Variants in TLCD3A observed in about 807,000 individuals in gnomAD.
TLCD3A encodes TLC domain containing 3A.
TLCD3A carries 17 observed loss-of-function variants against 29.9 expected under a neutral mutation model. The ratio of observed to expected loss-of-function variants is 0.57; its 90% CI spans 0.39 to 0.85. The LOEUF (loss-of-function observed/expected upper bound fraction) is 0.85. Among genes scored for constraint, TLCD3A ranks in the 40% least tolerant of loss-of-function variants. TLCD3A has a pLI of 0.00. For synonymous variants in TLCD3A, 143 were observed against 147.7 expected (o/e 0.97, Z 0.23); for missense variants, 332 against 350.8 (o/e 0.95, Z 0.43).
Position 737,862 on chromosome 17 carries a change from G to T in TLCD3A, c.223G>T (p.Glu75Ter). Residue 75 changes from glutamate (E) to a stop codon, truncating the protein, a stop_gained, in exon 3 of 5, where the codon GAA becomes TAA. Transcript: ENST00000308278. LOFTEE classifies it high-confidence loss of function. ...VITGRHWLAR[E>*]YVWFLIPYMI... ...TTCTTTCAGGCACTGGCTTGCCCGG[G>T]AATATGTGTGGTTTCTGATTCCATA... 6.2e-7 allele frequency: 1 copy of T among 1,614,094 alleles called. No homozygotes were observed. Among genetic ancestry groups the T allele is most frequent in the Middle Eastern group, 1.6e-4 (1 of 6,062 alleles).
chr17:736,592 T>C (rs1363203467), intron 2 of TLCD3A, among the ~76,000 whole-genome samples: 1 of 152,210 alleles, frequency 6.6e-6, no homozygotes, highest in Admixed American at 6.5e-5. Flanking sequence ...TCTCTCCTGG[T>C]ACCTAACCGC....
rs756022306 is a variant in TLCD3A, at chr17:737,902, C to T, written c.263C>T (p.Ser88Leu). The change falls in exon 3 of 5, where the codon TCG (serine) becomes TTG (leucine). Residue 88 changes from serine to leucine, a missense_variant. By Grantham distance (145) the Ser-to-Leu change is moderately radical. Coordinates refer to ENST00000308278, the MANE Select transcript of TLCD3A (RefSeq NM_024792.3). Reference protein sequence around the residue: ...WFLIPYMIYDSYAMYLCEWCR... With the variant: ...WFLIPYMIYDLYAMYLCEWCR... ...CTGATTCCATACATGATCTATGACT[C>T]GTACGCCATGTACCTCTGTGAATGG... 1.4e-4 allele frequency: 223 copies of T among 1,613,936 alleles called. 1 individual carries two copies. In the South Asian group the frequency reaches 1.8e-3, roughly 13 times the overall value.
intron 4 of TLCD3A, among the ~76,000 whole-genome samples, 166 bp from the exon 5 acceptor site, chr17:741,135 G>A (rs1033165537): frequency 3.3e-5 from 5 of 152,222 alleles, no homozygotes; most frequent in African/African-American, 1.2e-4. Flanking sequence ...TCTTCTCCAA[G>A]TGTTAGAAAA....
chr17:733,300 G>T, intron 2 of TLCD3A, 119 bp downstream of exon 2: 1 of 959,442 alleles, frequency 1.0e-6, no homozygotes, highest in Middle Eastern at 2.5e-4. Context: ...CACCACAATG[G>T]GCTCCTTCTT....
chr17:733,038 G>C, intron 1 of TLCD3A, 60 bp from the exon 2 acceptor site: 1 of 1,527,922 alleles, frequency 6.5e-7, no homozygotes, highest in Non-Finnish European at 8.9e-7. Context: ...GGCCGGGCCG[G>C]GCTCCCTGCG....
chr17:732,626 G>A lies in TLCD3A; in HGVS notation c.-22G>A, dbSNP rs1033778647. On this transcript the variant is annotated 5_prime_UTR_variant, in exon 1 of 5. Coordinates refer to ENST00000308278, the MANE Select transcript of TLCD3A (RefSeq NM_024792.3). Reference sequence around the variant, plus strand: ...GAACCCAGCCACGCGGCGCCAGCGAGGCGGCCGGACCCGCAGCCCCGATGC... The same window carrying A: ...GAACCCAGCCACGCGGCGCCAGCGAAGCGGCCGGACCCGCAGCCCCGATGC... The A allele has an allele frequency of 2.9e-4, 355 of 1,229,784 alleles. 2 individuals are homozygous for A. The African/African-American group carries it at 5.3e-3, about 18-fold the overall frequency. 76.2% of individuals were successfully genotyped at this position (1,229,784 alleles called of 1,614,324 possible).
At chr17:739,774 A>G (rs1488005754) in intron 3 of TLCD3A, among the ~76,000 whole-genome samples, 1 of 152,230 alleles carries the variant, frequency 6.6e-6, no homozygotes, top group Non-Finnish European at 1.5e-5. Context: ...ATATTTTACC[A>G]TGCTTACTGC....
chr17:737,718 TCA>T (rs2144115814), intron 2 of TLCD3A, 126 bp from the exon 3 acceptor site: 1 of 924,220 alleles, frequency 1.1e-6, no homozygotes, highest in Non-Finnish European at 1.7e-6. Context: ...TCCCTGTTTA[TCA>T]GTTTCAACAT....
intron 3 of TLCD3A, among the ~76,000 whole-genome samples, chr17:738,976 T>C (rs1398954517): frequency 6.6e-6 from 1 of 152,138 alleles, no homozygotes; most frequent in Non-Finnish European, 1.5e-5. Context: ...ACAAATATAA[T>C]ACAAAGCAAC....
intron 2 of TLCD3A, among the ~76,000 whole-genome samples, chr17:736,583 C>G (rs1974156722): frequency 6.6e-6 from 1 of 152,218 alleles, no homozygotes; most frequent in Non-Finnish European, 1.5e-5. Flanking sequence ...GACCTAGCCT[C>G]TCTCCTGGTA....
chr17:740,479 T>C (rs771161632), intron 3 of TLCD3A, 26 bp from the exon 4 acceptor site: 31 of 1,573,154 alleles, frequency 2.0e-5, no homozygotes, highest in Admixed American at 1.8e-4. Flanking sequence ...TCCACTTACT[T>C]CCCCTTTTCG....
chr17:734,884 T>C (rs1460479575), intron 2 of TLCD3A, among the ~76,000 whole-genome samples: 1 of 151,742 alleles, frequency 6.6e-6, no homozygotes, highest in Non-Finnish European at 1.5e-5. Flanking sequence ...GGTCTGGCTC[T>C]GTCACCCACG....
intron 2 of TLCD3A, 33 bp from the exon 3 acceptor site, chr17:737,813 G>C: frequency 6.3e-7 from 1 of 1,599,356 alleles, no homozygotes; most frequent in Non-Finnish European, 8.6e-7. Context: ...TATCCACAAT[G>C]ATTTCACGGG....
At chr17:740,972 A>T (rs371794323) in intron 4 of TLCD3A, among the ~76,000 whole-genome samples, 257 of 152,298 alleles carry the variant, frequency 1.7e-3, no homozygotes, top group African/African-American at 5.8e-3. Context: ...TGATAGTTTG[A>T]TACAGCTCAT....
intron 4 of TLCD3A, among the ~76,000 whole-genome samples, chr17:740,985 T>C (rs556273771): frequency 1.3e-5 from 2 of 152,364 alleles, no homozygotes; most frequent in South Asian, 4.1e-4. Flanking sequence ...CAGCTCATTC[T>C]ATTTTTTCCC....
intron 2 of TLCD3A, among the ~76,000 whole-genome samples, chr17:736,088 G>A (rs1040506312): frequency 6.6e-6 from 1 of 150,874 alleles, no homozygotes; most frequent in East Asian, 1.9e-4. Context: ...CATTATTTAC[G>A]CCGTGGTAAG....
chr17:741,348 G>A lies in TLCD3A; in HGVS notation c.552G>A (p.Thr184=), dbSNP rs746525629. Residue 184 remains threonine, a synonymous_variant, in exon 5 of 5, where the codon ACG becomes ACA. Transcript: ENST00000308278. ...TLLYKVNGIL[T]LATFLSCRIL... ...TGTACAAGGTGAATGGAATCCTCAC[G>A]CTGGCCACCTTCCTTTCCTGCCGGA... The A allele has an allele frequency of 5.0e-6, 8 of 1,614,040 alleles. No homozygotes were observed. The highest frequency in any genetic ancestry group is 2.7e-5 in the African/African-American group (2 of 74,920).
Position 741,700 on chromosome 17 carries a change from A to G in TLCD3A, c.*130A>G. 8.9e-7 allele frequency: 1 copy of G among 1,127,326 alleles called. No individual in the cohort carries two copies. The highest frequency in any genetic ancestry group is 1.6e-5 in the South Asian group (1 of 63,022). The allele number at this position is 1,127,326 out of a possible 1,614,324, so 69.8% of individuals were successfully genotyped here. A position where few individuals can be genotyped will look rare whatever the true frequency, so the allele number is the denominator to read the frequency against. On this transcript the variant is annotated 3_prime_UTR_variant, in exon 5 of 5. Transcript: ENST00000308278. ...AGCCGATGGATTTGAGTTTTTCTAA[A>G]GAATATTCATATTACCTCCTTCTTC...
At chr17:737,341 G>C (rs1043338420) in intron 2 of TLCD3A, among the ~76,000 whole-genome samples, 3 of 152,116 alleles carry the variant, frequency 2.0e-5, no homozygotes, top group African/African-American at 7.2e-5. Context: ...AAATGGCCAG[G>C]GTTGCCTCCC....
Sources: allele counts gnomAD v4.1 joint callset (sites outside exome capture counted in the v4.1 genomes callset), GRCh38; gene constraint gnomAD v4.1.1; transcripts MANE v1.5; gene names NCBI Gene and HGNC (gene_info 2026-07-23, HGNC 2026-07-21).